The following FOXP2 variants were observed in gnomAD, a reference collection of about 807,000 sequenced individuals.
The protein encoded by FOXP2 is forkhead box protein P2.
Under a neutral mutation model 115.8 loss-of-function variants are expected in FOXP2, and 12 were observed. That is an observed-to-expected ratio of 0.10 (90% CI 0.07 to 0.17). The LOEUF (loss-of-function observed/expected upper bound fraction) is 0.17, where lower values mean the gene tolerates loss of function less well. Ranked by LOEUF, FOXP2 falls within the 10% of genes least tolerant of loss-of-function variation. The pLI is 1.00. For missense variants in FOXP2, 629 were observed against 843.5 expected (o/e 0.75, Z 3.15); for synonymous variants, 328 against 297.7 (o/e 1.10, Z -1.05).
At chr7:114,664,091 A>G (rs1179345749) in intron 15 of FOXP2, among the ~76,000 whole-genome samples, 182 bp from the exon 16 acceptor site, 2 of 152,144 alleles carry the variant, frequency 1.3e-5, no homozygotes, top group Admixed American at 6.6e-5. Context: ...TTCACATCGC[A>G]CTTAATTTCC....
intron 2 of FOXP2, among the ~76,000 whole-genome samples, chr7:114,349,671 C>CTGTGTG (rs66836962): frequency 1.3e-5 from 2 of 149,552 alleles, no homozygotes; most frequent in Admixed American, 1.3e-4. Context: ...GTGTGTGTGT[C>CTGTGTG]TGTGTGTGTG....
intron 10 of FOXP2, 190 bp downstream of exon 10, chr7:114,654,199 T>TACGGAGA: frequency 7.4e-7 from 1 of 1,349,996 alleles, no homozygotes; most frequent in Non-Finnish European, 9.8e-7. Flanking sequence ...ACAAAATCTA[T>TACGGAGA]CCAATCTACA....
chr7:114,113,668 T>A (rs1329988043), intron 1 of FOXP2, among the ~76,000 whole-genome samples: 1 of 152,086 alleles, frequency 6.6e-6, no homozygotes, highest in Admixed American at 6.6e-5. Context: ...CATATCTGGA[T>A]ATTTATTATT....
chr7:114,516,841 A>G (rs918532283), intron 2 of FOXP2, among the ~76,000 whole-genome samples: 4 of 151,874 alleles, frequency 2.6e-5, no homozygotes, highest in Admixed American at 2.0e-4. Context: ...GACTACAGGC[A>G]CATGCCACCA....
chr7:114,672,287 A>G (rs1807528555), intron 16 of FOXP2, among the ~76,000 whole-genome samples: 1 of 152,202 alleles, frequency 6.6e-6, no homozygotes, highest in African/African-American at 2.4e-5. Context: ...ATTTAGAATA[A>G]AAAGTACATA....
In FOXP2 at chr7:114,093,377, T is replaced by C. The variant is rs193247254; in HGVS notation, c.-247+5539T>C. ...CTCTACCTTTACCATATTTTATTTT[T>C]CTTTATGGTACTATCATTAACTGAC... On this transcript the variant is annotated intron_variant, in intron 1 of 19. Transcript: ENST00000635638. Among the ~76,000 whole-genome samples, 369 of 152,320 alleles carry C rather than the reference T, an allele frequency of 2.4e-3. 1 individual carries two copies. Among genetic ancestry groups the C allele is most frequent in the South Asian group, 0.019 (90 of 4,830 alleles).
intron 3 of FOXP2, among the ~76,000 whole-genome samples, chr7:114,573,506 T>C (rs1801423541): frequency 6.6e-6 from 1 of 151,772 alleles, no homozygotes; most frequent in African/African-American, 2.4e-5. Context: ...AAGCCTGCCA[T>C]ATGTTTTCAT....
chr7:114,661,827 T>C (rs892098203), intron 13 of FOXP2: 9 of 467,458 alleles, frequency 1.9e-5, no homozygotes, highest in Non-Finnish European at 3.1e-5. Context: ...GAAAGGAAGG[T>C]TTTGACACAG....
At chr7:114,152,333 A>G (rs962475647) in intron 1 of FOXP2, among the ~76,000 whole-genome samples, 3 of 152,204 alleles carry the variant, frequency 2.0e-5, no homozygotes, top group Non-Finnish European at 4.4e-5. Context: ...ATATTTCAAC[A>G]TATGGATAAA....
upstream of FOXP2, among the ~76,000 whole-genome samples, chr7:114,411,498 C>T (rs1417761439): frequency 1.3e-5 from 2 of 152,048 alleles, no homozygotes; most frequent in Non-Finnish European, 2.9e-5. Context: ...AAAGGAATTT[C>T]ACAGTACTGC....
intron 3 of FOXP2, among the ~76,000 whole-genome samples, chr7:114,616,187 G>A (rs922583015): frequency 2.6e-4 from 40 of 151,436 alleles, no homozygotes; most frequent in African/African-American, 8.2e-4. Flanking sequence ...TTTTGAGATG[G>A]AGCCTAGCTC....
intron 1 of FOXP2, among the ~76,000 whole-genome samples, chr7:114,201,993 T>G (rs1794079706): frequency 6.6e-6 from 1 of 152,192 alleles, no homozygotes; most frequent in African/African-American, 2.4e-5. Context: ...TCTGTCTGCC[T>G]TTTCTCTGTT....
rs1017658409 is a variant in FOXP2, at chr7:114,559,033, A to G, written c.258+24327A>G. 2.7e-4 allele frequency among the ~76,000 whole-genome samples: 41 copies of G among 151,508 alleles called. 2 individuals are homozygous for G. The highest frequency in any genetic ancestry group is 2.7e-3 in the Admixed American group (41 of 15,198). ...ATGTTCATAAGAAATCCAGCTACCTATTTTTTTTCAAAAACGCTTAAACTC... is the reference window on the plus strand; with the variant it reads ...ATGTTCATAAGAAATCCAGCTACCTGTTTTTTTTCAAAAACGCTTAAACTC... On this transcript the variant is annotated intron_variant, in intron 3 of 16. Transcript: ENST00000350908.
intron 1 of FOXP2, among the ~76,000 whole-genome samples, chr7:114,143,545 G>C (rs1303140372): frequency 2.0e-5 from 3 of 151,840 alleles, no homozygotes; most frequent in Non-Finnish European, 2.9e-5. Context: ...AGGTTTCTCT[G>C]CTAATTGTAA....
At chr7:114,631,383 A>C in intron 5 of FOXP2, 145 bp from the exon 6 acceptor site, 1 of 1,348,312 alleles carries the variant, frequency 7.4e-7, no homozygotes, top group African/African-American at 1.5e-5. Flanking sequence ...TCTAGAACTT[A>C]CTCACATTCT....
chr7:114,620,285 A>G (rs1239332284), intron 3 of FOXP2, among the ~76,000 whole-genome samples: 2 of 152,100 alleles, frequency 1.3e-5, no homozygotes, highest in Non-Finnish European at 2.9e-5. Context: ...CAGACAGAAG[A>G]TGCATGGAAG....
At chr7:114,343,322 T>C (rs1791259637) in intron 2 of FOXP2, among the ~76,000 whole-genome samples, 1 of 151,510 alleles carries the variant, frequency 6.6e-6, no homozygotes, top group Non-Finnish European at 1.5e-5. Flanking sequence ...CAATTAAAAA[T>C]AAAATTATTT....
chr7:114,651,311 A>G (rs898367521), intron 8 of FOXP2, among the ~76,000 whole-genome samples: 1 of 152,112 alleles, frequency 6.6e-6, no homozygotes, highest in Non-Finnish European at 1.5e-5. Context: ...GGTGAAATAG[A>G]TACACTAAAG....
intron 1 of FOXP2, among the ~76,000 whole-genome samples, chr7:114,106,676 G>A (rs1040773203): frequency 1.3e-5 from 2 of 151,878 alleles, no homozygotes; most frequent in African/African-American, 2.4e-5. Flanking sequence ...ATCTGAACCT[G>A]TATAACCTTG....
Sources: gnomAD v4.1 joint callset for allele counts (sites outside exome capture counted in the v4.1 genomes callset) on GRCh38, gnomAD v4.1.1 for gene constraint, MANE v1.5 for transcripts, NCBI Gene and HGNC (gene_info 2026-07-23, HGNC 2026-07-21) for gene names.